The following DNMT3A variants were observed in gnomAD, a reference collection of about 807,000 sequenced individuals.
The protein encoded by DNMT3A is DNA (cytosine-5)-methyltransferase 3A.
DNMT3A carries 267 observed loss-of-function variants against 117.6 expected under a neutral mutation model. The observed-to-expected ratio is 2.27, with a 90% CI of 2.05 to 2.51. The LOEUF (loss-of-function observed/expected upper bound fraction) is 2.51, where lower values mean the gene tolerates loss of function less well. Ranked by LOEUF, DNMT3A falls within the 30% of genes most tolerant of loss-of-function variation. The pLI is 0.00. For missense variants in DNMT3A, 1,029 were observed against 1,260.2 expected (o/e 0.82, Z 2.78); for synonymous variants, 432 against 474.8 (o/e 0.91, Z 1.17).
chr2:25,251,134 G>C (rs1351607653), intron 6 of DNMT3A, among the ~76,000 whole-genome samples: 1 of 146,008 alleles, frequency 6.8e-6, no homozygotes, highest in Non-Finnish European at 1.5e-5. Flanking sequence ...TGGGGCAGTG[G>C]GGTGGGGGAA....
chr2:25,295,899 G>T (rs769527560), intron 3 of DNMT3A, among the ~76,000 whole-genome samples: 6 of 152,222 alleles, frequency 3.9e-5, no homozygotes, highest in Admixed American at 2.6e-4. Context: ...GGCAAACTCA[G>T]TGTGGCACAG....
In DNMT3A at chr2:25,337,502, G is replaced by A. The variant is rs1271684746; in HGVS notation, c.-178+4324C>T. On this transcript the variant is annotated intron_variant, in intron 1 of 22. Transcript: ENST00000321117. The surrounding 1 kb of genome is among the most constrained non-coding windows in gnomAD (Gnocchi z 5.0). Reference sequence around the variant, plus strand: ...ACAGGTGAGGAAACTGAGGCCCAGGGAATCGAGTTGTTGCCCAAGTTCCTG... The same window carrying A: ...ACAGGTGAGGAAACTGAGGCCCAGGAAATCGAGTTGTTGCCCAAGTTCCTG... Among the ~76,000 whole-genome samples the A allele has an allele frequency of 1.3e-5, 2 of 152,214 alleles. No homozygotes were observed. The highest frequency in any genetic ancestry group is 3.8e-4 in the East Asian group (2 of 5,200).
At chr2:25,288,802 C>T (rs2032519018) in intron 3 of DNMT3A, among the ~76,000 whole-genome samples, 1 of 152,170 alleles carries the variant, frequency 6.6e-6, no homozygotes, top group Non-Finnish European at 1.5e-5. Context: ...AGTTGCCTCT[C>T]CCCCAGTCAC....
rs1328524162 is a variant in DNMT3A, at chr2:25,240,391, C to G, written c.2233G>C (p.Glu745Gln). Reference sequence around the variant, plus strand: ...CAGAAGAAGGGGCGATCATCTCCCTCCTTGGGCCGCGCATCATGCAGGAGG... The same window carrying G: ...CAGAAGAAGGGGCGATCATCTCCCTGCTTGGGCCGCGCATCATGCAGGAGG... The part of the protein sequence containing the change: ...YRLLHDARPK[E>Q]GDDRPFFWLF... Residue 745 changes from glutamate (E) to glutamine (Q), a missense_variant, in exon 19 of 23, where the codon GAG becomes CAG. Transcript: ENST00000321117. 6.2e-7 allele frequency: 1 copy of G among 1,614,010 alleles called. No homozygotes were observed. The highest frequency in any genetic ancestry group is 8.5e-7 in the Non-Finnish European group (1 of 1,179,920).
intron 2 of DNMT3A, among the ~76,000 whole-genome samples, chr2:25,307,364 A>C (rs2033836787): frequency 6.9e-6 from 1 of 145,696 alleles, no homozygotes; most frequent in Admixed American, 6.8e-5. Context: ...CCAGGGTTTC[A>C]CCATGTTGGC....
rs758985118 is a variant in DNMT3A, at chr2:25,234,288, C to T, written c.2730G>A (p.Ala910=). Residue 910 remains alanine (A), a synonymous_variant, in exon 23 of 23, where the codon GCG becomes GCA. Transcript: ENST00000321117. This position sits in a 1 kb window ranked among gnomAD's most constrained non-coding sequence, Gnocchi z 4.5. ...TTTGCCCCCATGTCCCTTACACACACGCAAAATACTCCTTCAGCGGAGCGA... is the reference window on the plus strand; with the variant it reads ...TTTGCCCCCATGTCCCTTACACACATGCAAAATACTCCTTCAGCGGAGCGA... ...HLFAPLKEYF[A]CV The T allele has an allele frequency of 9.3e-6, 15 of 1,613,398 alleles. No individual in the cohort carries two copies. The highest frequency in any genetic ancestry group is 1.2e-5 in the Non-Finnish European group (14 of 1,179,618).
In DNMT3A at chr2:25,296,732, G is replaced by A. The variant is rs2033112398; in HGVS notation, c.177+3407C>T. Among the ~76,000 whole-genome samples the A allele has an allele frequency of 1.3e-5, 2 of 152,256 alleles. No homozygotes were observed. Among genetic ancestry groups the A allele is most frequent in the African/African-American group, 4.8e-5 (2 of 41,454 alleles). On this transcript the variant is annotated intron_variant, in intron 3 of 22. Coordinates refer to ENST00000321117, the MANE Select transcript of DNMT3A (RefSeq NM_022552.5). The surrounding 1 kb of genome is among the most constrained non-coding windows in gnomAD (Gnocchi z 4.2). ...GTGAGGGCAATGCCAGGGGGCAGAA[G>A]GCACCCAGGGACAGATGCCTGTTGA...
At position 25,281,423 on chromosome 2, in the gene DNMT3A, C is replaced by T. The variant is rs1471309132; in HGVS notation, c.448+1018G>A. On this transcript the variant is annotated intron_variant, in intron 4 of 22. Coordinates refer to ENST00000321117, the MANE Select transcript of DNMT3A (RefSeq NM_022552.5). This position sits in a 1 kb window ranked among gnomAD's most constrained non-coding sequence, Gnocchi z 4.8. The stretch of plus-strand genomic sequence containing the variant: ...TAGTGGGAGCATCATACATATTTGT[C>T]GAATAATAAATGAATAAAAGCTTCT... 55 of 1,030,308 alleles carry T rather than the reference C, an allele frequency of 5.3e-5. No individual in the cohort carries two copies. The highest frequency in any genetic ancestry group is 2.3e-4 in the Admixed American group (4 of 17,456). 63.8% of individuals were successfully genotyped at this position (1,030,308 alleles called of 1,614,324 possible).
In DNMT3A at chr2:25,327,978, T is replaced by G. The variant is rs1360280201; in HGVS notation, c.-177-13817A>C. On this transcript the variant is annotated intron_variant, in intron 1 of 22. Transcript: ENST00000321117. The surrounding 1 kb of genome is among the most constrained non-coding windows in gnomAD (Gnocchi z 4.1). ...CCCTCCAGGCCCTTTGTACCTCTTG[T>G]GTCTGTGGCACAATAACCTGGTAGA... 6.6e-6 allele frequency among the ~76,000 whole-genome samples: 1 copy of G among 152,172 alleles called. No homozygotes were observed. The highest frequency in any genetic ancestry group is 1.9e-4 in the East Asian group (1 of 5,184).
intron 3 of DNMT3A, among the ~76,000 whole-genome samples, chr2:25,297,999 C>T (rs544596522): frequency 1.3e-5 from 2 of 152,358 alleles, no homozygotes; most frequent in South Asian, 2.1e-4. Context: ...GTTGCCGTGG[C>T]CTCCTGAAGA....
At chr2:25,278,355 G>C (rs902181873) in intron 4 of DNMT3A, among the ~76,000 whole-genome samples, 2 of 152,332 alleles carry the variant, frequency 1.3e-5, no homozygotes, top group Non-Finnish European at 2.9e-5. Flanking sequence ...TCCATGACCA[G>C]GCTGTAGCCA....
intron 12 of DNMT3A, 151 bp from the exon 13 acceptor site, chr2:25,245,483 A>G (rs913421505): frequency 1.5e-6 from 1 of 658,212 alleles, no homozygotes. Context: ...AAAGGGAGGC[A>G]CTGTGACCCC....
At chr2:25,313,305 G>A (rs1428456342) in intron 2 of DNMT3A, among the ~76,000 whole-genome samples, 1 of 149,662 alleles carries the variant, frequency 6.7e-6, no homozygotes, top group Non-Finnish European at 1.5e-5. Context: ...CACCAGCTCC[G>A]TGGCCAAAAG....
intron 6 of DNMT3A, among the ~76,000 whole-genome samples, chr2:25,272,310 G>C (rs2030976794): frequency 6.6e-6 from 1 of 152,212 alleles, no homozygotes; most frequent in African/African-American, 2.4e-5. Flanking sequence ...TTAAATTTTA[G>C]TAGAGACCTA....
At chr2:25,270,819 A>C (rs1435178446) in intron 6 of DNMT3A, among the ~76,000 whole-genome samples, 1 of 152,220 alleles carries the variant, frequency 6.6e-6, no homozygotes, top group Non-Finnish European at 1.5e-5. Context: ...TGAGACTGAG[A>C]AAAGAGGAGA....
intron 19 of DNMT3A, 101 bp from the exon 20 acceptor site, chr2:25,239,316 T>C: frequency 9.8e-7 from 1 of 1,025,232 alleles, no homozygotes; most frequent in South Asian, 1.4e-5. Flanking sequence ...GCCTCTTACT[T>C]CTCTCTCAGG....
Position 25,229,615 on chromosome 2 carries a change from A to C in DNMT3A, c.*4664T>G, listed in dbSNP as rs940646557. On this transcript the variant is annotated 3_prime_UTR_variant, in exon 23 of 23. Transcript: ENST00000321117. ...GCCGTGCTCCCGACCAAAGGAAGCA[A>C]GCAGCCCTCTTCAGGGCACAGTGCC... The C allele has an allele frequency of 2.6e-5, 4 of 152,250 alleles. No individual in the cohort carries two copies. The highest frequency in any genetic ancestry group is 6.5e-5 in the Admixed American group (1 of 15,280). The allele number at this position is 152,250 out of a possible 1,614,324, so 9.4% of individuals were successfully genotyped here.
chr2:25,267,007 C>T (rs2030417064), intron 6 of DNMT3A, among the ~76,000 whole-genome samples: 1 of 152,138 alleles, frequency 6.6e-6, no homozygotes, highest in South Asian at 2.1e-4. Context: ...TCATAAACAA[C>T]ATAAATGGCC....
chr2:25,264,560 C>T (rs537197135), intron 6 of DNMT3A, among the ~76,000 whole-genome samples: 15 of 152,054 alleles, frequency 9.9e-5, no homozygotes, highest in South Asian at 4.2e-4. Flanking sequence ...CTCCGCCTCC[C>T]GGGTTCACGC....
Sources: gnomAD v4.1 joint callset for allele counts (sites outside exome capture counted in the v4.1 genomes callset) on GRCh38, gnomAD v4.1.1 for gene constraint, Gnocchi (gnomAD v3.1) non-coding constraint, MANE v1.5 for transcripts, NCBI Gene and HGNC (gene_info 2026-07-23, HGNC 2026-07-21) for gene names.